The following RB1 variants were observed in gnomAD, a reference collection of about 807,000 sequenced individuals.
The protein encoded by RB1 is RB transcriptional corepressor 1.
RB1 carries 18 observed loss-of-function variants against 135.4 expected under a neutral mutation model. The observed-to-expected ratio is 0.13, with a 90% CI of 0.09 to 0.20. The LOEUF is 0.20. RB1 is among the 10% of genes least tolerant of loss of function. The pLI is 1.00. For missense variants in RB1, 868 were observed against 1,110.0 expected, an observed-to-expected ratio of 0.78 and a Z score of 3.10; for synonymous variants, 365 against 373.2, an observed-to-expected ratio of 0.98 and a Z score of 0.25.
In RB1 at chr13:48,480,107, C is replaced by G. The variant is rs368462035; in HGVS notation, c.*36C>G. 2.9e-5 allele frequency: 44 copies of G among 1,504,814 alleles called. No homozygotes were observed. Among genetic ancestry groups the G allele is most frequent in the Admixed American group, 1.2e-4 (7 of 59,674 alleles). The allele number at this position is 1,504,814 out of a possible 1,614,324, so 93.2% of individuals were successfully genotyped here. A position where few individuals can be genotyped will look rare whatever the true frequency, so the allele number is the denominator to read the frequency against. On this transcript the variant is annotated 3_prime_UTR_variant, in exon 27 of 27. Coordinates refer to ENST00000267163, the MANE Select transcript of RB1 (RefSeq NM_000321.3). ...ACCTTGGTGGACACTGTGTACACCT[C>G]TGGATTCATTGTCTCTCACAGATGT...
intron 9 of RB1, among the ~76,000 whole-genome samples, chr13:48,366,402 C>T (rs973868555): frequency 2.1e-4 from 32 of 152,120 alleles, no homozygotes; most frequent in African/African-American, 7.5e-4. Context: ...GATTACTGTT[C>T]TATCTAATAC....
At chr13:48,478,229 C>A (rs1355770854) in intron 26 of RB1, among the ~76,000 whole-genome samples, 4 of 152,120 alleles carry the variant, frequency 2.6e-5, no homozygotes, top group African/African-American at 9.7e-5. Flanking sequence ...AAATGAGAGG[C>A]TTTCTTTTAA....
At chr13:48,393,923 C>T (rs1948629276) in intron 17 of RB1, among the ~76,000 whole-genome samples, 1 of 152,126 alleles carries the variant, frequency 6.6e-6, no homozygotes, top group African/African-American at 2.4e-5. Context: ...ACTTGGCCAA[C>T]ATACTTTTAC....
rs184886501 is a variant in RB1 at position 48,378,305 on chromosome 13, T to C, written c.1332+1271T>C. Reference sequence around the variant, plus strand: ...AACACCTTATACAGCTGTACAAAAATATTTTCTTTCTTTATAATCCTTATT... The same window carrying C: ...AACACCTTATACAGCTGTACAAAAACATTTTCTTTCTTTATAATCCTTATT... On this transcript the variant is annotated intron_variant, in intron 13 of 26. Coordinates refer to ENST00000267163, the MANE Select transcript of RB1 (RefSeq NM_000321.3). Among the ~76,000 whole-genome samples, 4 of 152,218 alleles carry C rather than the reference T, an allele frequency of 2.6e-5. No homozygotes were observed. In the East Asian group the frequency reaches 7.8e-4, roughly 29 times the overall value.
At chr13:48,437,526 A>G (rs1949196198) in intron 17 of RB1, among the ~76,000 whole-genome samples, 3 of 152,218 alleles carry the variant, frequency 2.0e-5, no homozygotes, top group South Asian at 4.1e-4. Context: ...TAAATTGTCA[A>G]CCAAGGCTGC....
At chr13:48,459,894 T>TTCCTTCCTTCCTTCCTTCCTTCC (rs1566235606) in intron 20 of RB1, 61 bp downstream of exon 20, 1 of 441,226 alleles carries the variant, frequency 2.3e-6, no homozygotes, top group African/African-American at 5.5e-5. Flanking sequence ...TGATTCTTTC[T>TTCCTTCCTTCCTTCCTTCCTTCC]TTCTTTCTTT....
At chr13:48,335,345 A>G (rs57432224) in intron 2 of RB1, among the ~76,000 whole-genome samples, 4,673 of 152,122 alleles carry the variant, frequency 0.031, 246 homozygotes, top group African/African-American at 0.11. Flanking sequence ...TCAAACATCT[A>G]TTACACTAAA....
At chr13:48,479,851 G>A (rs763148717) in intron 26 of RB1, 147 bp from the exon 27 acceptor site, 14 of 685,236 alleles carry the variant, frequency 2.0e-5, no homozygotes, top group African/African-American at 5.4e-5. Context: ...AACTCCCTAC[G>A]GTACTGTCAA....
At chr13:48,436,095 A>C (rs1189086037) in intron 17 of RB1, among the ~76,000 whole-genome samples, 5 of 152,228 alleles carry the variant, frequency 3.3e-5, no homozygotes, top group African/African-American at 2.4e-5. Context: ...TTAACTGAGG[A>C]TAATTTTAAG....
chr13:48,347,969 T>C, intron 5 of RB1, 106 bp downstream of exon 5: 1 of 837,566 alleles, frequency 1.2e-6, no homozygotes, highest in Non-Finnish European at 2.0e-6. Flanking sequence ...TATAGCAGGC[T>C]ACTTCATAAA....
intron 17 of RB1, among the ~76,000 whole-genome samples, chr13:48,422,075 T>C (rs2138245955): frequency 6.6e-6 from 1 of 152,292 alleles, no homozygotes; most frequent in Non-Finnish European, 1.5e-5. Flanking sequence ...CACATATGCT[T>C]ATTGCAGCAG....
intron 4 of RB1, among the ~76,000 whole-genome samples, chr13:48,346,930 G>A (rs1012862083): frequency 6.6e-6 from 1 of 151,434 alleles, no homozygotes; most frequent in Non-Finnish European, 1.5e-5. Flanking sequence ...ATACATATAA[G>A]TACTTTAAGA....
chr13:48,317,569 C>T, intron 2 of RB1: 1 of 435,502 alleles, frequency 2.3e-6, no homozygotes, highest in South Asian at 2.2e-5. Context: ...AATAAAAGCA[C>T]TTCTGGCAGC....
In RB1 at chr13:48,347,875, A is replaced by G. The variant is rs374509447; in HGVS notation, c.539+12A>G. On this transcript the variant is annotated intron_variant, in intron 5 of 26. Transcript: ENST00000267163. ...CAACCCAGCAGTTCGTAAGTAGTTC[A>G]CAGAATGTTATTTTTCACTTAAAAA... 11 of 1,569,552 alleles carry G rather than the reference A, an allele frequency of 7.0e-6. No homozygotes were observed. The African/African-American group carries it at 1.4e-4, about 19-fold the overall frequency.
chr13:48,402,753 C>T (rs1948704643), intron 17 of RB1, among the ~76,000 whole-genome samples: 1 of 151,928 alleles, frequency 6.6e-6, no homozygotes, highest in South Asian at 2.1e-4. Flanking sequence ...TTTTAGGTAG[C>T]TAAGATTATA....
chr13:48,412,122 T>C (rs1398436699), intron 17 of RB1: 1 of 1,613,620 alleles, frequency 6.2e-7, no homozygotes, highest in African/African-American at 1.3e-5. Flanking sequence ...AATGCTTCCG[T>C]ACATGTTGGT....
intron 17 of RB1, chr13:48,415,632 A>T (rs968516315): frequency 1.3e-5 from 2 of 152,124 alleles, no homozygotes; most frequent in Middle Eastern, 3.2e-3. Context: ...AAATGGATAG[A>T]TCACTATTTG....
chr13:48,361,819 G>C (rs1278451929), intron 7 of RB1, among the ~76,000 whole-genome samples: 4 of 151,886 alleles, frequency 2.6e-5, no homozygotes, highest in African/African-American at 7.2e-5. Context: ...GTTTTCCACA[G>C]TGTGGTTTTT....
intron 4 of RB1, among the ~76,000 whole-genome samples, chr13:48,347,270 A>G (rs1952506915): frequency 6.6e-6 from 1 of 152,086 alleles, no homozygotes; most frequent in African/African-American, 2.4e-5. Context: ...CACCAAGCAA[A>G]ATGAGTGGGA....
Sources: gnomAD v4.1 joint callset for allele counts (sites outside exome capture counted in the v4.1 genomes callset) on GRCh38, gnomAD v4.1.1 for gene constraint, MANE v1.5 for transcripts, NCBI Gene and HGNC (gene_info 2026-07-23, HGNC 2026-07-21) for gene names.